Variants in PCDHA5 observed in about 807,000 individuals in gnomAD.
PCDHA5 encodes protocadherin alpha-5.
A neutral mutation model predicts 61.6 loss-of-function variants in PCDHA5; 43 were observed. The observed-to-expected ratio is 0.70, with a 90% CI of 0.55 to 0.90. The LOEUF (loss-of-function observed/expected upper bound fraction) is 0.90. PCDHA5 is among the 40% of genes least tolerant of loss of function. The pLI is 0.00. For missense variants in PCDHA5, 1,298 were observed against 1,222.7 expected (o/e 1.06, Z -0.92); for synonymous variants, 627 against 543.9 (o/e 1.15, Z -2.13).
rs1230584423 is a variant in PCDHA5, at chr5:140,821,705, T to C, written c.-71T>C. 1 of 1,429,244 alleles carries C rather than the reference T, an allele frequency of 7.0e-7. No homozygotes were observed. Among genetic ancestry groups the C allele is most frequent in the South Asian group, 1.4e-5 (1 of 72,816 alleles). 88.5% of individuals were successfully genotyped at this position (1,429,244 alleles called of 1,614,324 possible). ...GATAATATAAAAAATATATAGTTAA[T>C]TGGGAATTGAATTTACAAAATACAT... On this transcript the variant is annotated 5_prime_UTR_variant, in exon 1 of 4. Coordinates refer to ENST00000529859, the MANE Select transcript of PCDHA5 (RefSeq NM_018908.3).
chr5:140,848,601 C>T (rs2150414189), intron 1 of PCDHA5: 4 of 1,593,618 alleles, frequency 2.5e-6, no homozygotes, highest in Admixed American at 3.4e-5. Context: ...CTACTCCGTC[C>T]CGGAGGAAGC....
At chr5:140,968,867 T>C (rs2153774451) in intron 1 of PCDHA5, 2 of 1,614,188 alleles carry the variant, frequency 1.2e-6, no homozygotes, top group Non-Finnish European at 1.7e-6. Flanking sequence ...CCCTCGGACA[T>C]ACTCTGAAAT....
chr5:140,917,333 G>T (rs1301739777), intron 1 of PCDHA5, among the ~76,000 whole-genome samples: 6 of 148,632 alleles, frequency 4.0e-5, no homozygotes, highest in East Asian at 2.0e-4. Context: ...GCGGGGGAGG[G>T]GGGGGATGGT....
rs2053195452 is a variant in PCDHA5, at chr5:140,871,568, T to G, written c.2352+47441T>G. ...TTAAAATCCAGTTTTTTTTCACGGATTTTTTAAGGGAAAGTTTTATGAATA... is the reference window on the plus strand; with the variant it reads ...TTAAAATCCAGTTTTTTTTCACGGAGTTTTTAAGGGAAAGTTTTATGAATA... On this transcript the variant is annotated intron_variant, in intron 1 of 3. Coordinates refer to ENST00000529859, the MANE Select transcript of PCDHA5 (RefSeq NM_018908.3). 4.7e-6 allele frequency: 7 copies of G among 1,481,802 alleles called. No homozygotes were observed. In the East Asian group the frequency reaches 1.7e-4, roughly 37 times the overall value. The allele number at this position is 1,481,802 out of a possible 1,614,324, so 91.8% of individuals were successfully genotyped here. A position where few individuals can be genotyped will look rare whatever the true frequency, so the allele number is the denominator to read the frequency against.
rs545349225 is a variant in PCDHA5, at chr5:140,969,608, C to T, written c.2353-9341C>T. On this transcript the variant is annotated intron_variant, in intron 1 of 3. Coordinates refer to ENST00000529859, the MANE Select transcript of PCDHA5 (RefSeq NM_018908.3). ...AGTCTTAATATTTAATGCTAAAACA[C>T]AGATTTGTAGAGAAACAGGACAGGC... 646 of 747,324 alleles carry T rather than the reference C, an allele frequency of 8.6e-4. 1 individual carries two copies. Among genetic ancestry groups the T allele is most frequent in the Middle Eastern group, 3.2e-3 (8 of 2,532 alleles). The allele number at this position is 747,324 out of a possible 1,614,324, so 46.3% of individuals were successfully genotyped here. A position where few individuals can be genotyped will look rare whatever the true frequency, so the allele number is the denominator to read the frequency against.
chr5:140,862,895 T>A, intron 1 of PCDHA5: 1 of 553,854 alleles, frequency 1.8e-6, no homozygotes, highest in South Asian at 1.4e-5. Context: ...ACGACAACTT[T>A]GTCTGCGCTG....
At chr5:140,960,444 T>C in intron 1 of PCDHA5, among the ~76,000 whole-genome samples, 1 of 152,022 alleles carries the variant, frequency 6.6e-6, no homozygotes, top group Non-Finnish European at 1.5e-5. Context: ...TAGATATATG[T>C]ATGGATAATT....
At chr5:140,883,655 T>A (rs782178754) in intron 1 of PCDHA5, 7 of 1,613,000 alleles carry the variant, frequency 4.3e-6, no homozygotes, top group African/African-American at 1.3e-5. Context: ...GTACACGGTG[T>A]TCGTGAAGGA....
chr5:140,849,881 G>T, intron 1 of PCDHA5: 1 of 1,598,596 alleles, frequency 6.3e-7, no homozygotes, highest in Non-Finnish European at 8.6e-7. Flanking sequence ...AGTACACGGT[G>T]TTCGTGAAGG....
intron 1 of PCDHA5, chr5:140,825,350 T>C (rs548495464): frequency 2.0e-5 from 3 of 147,632 alleles, no homozygotes; most frequent in Non-Finnish European, 4.5e-5. Flanking sequence ...ATATATCTAA[T>C]ATATATTAGA....
At chr5:141,009,120 T>C (rs1383940737) in intron 3 of PCDHA5, among the ~76,000 whole-genome samples, 1 of 152,236 alleles carries the variant, frequency 6.6e-6, no homozygotes, top group African/African-American at 2.4e-5. Flanking sequence ...ACTAGATTCT[T>C]GGTATCCTGG....
rs529382424 is a variant in PCDHA5 at position 140,924,810 on chromosome 5, G to A, written c.2353-54139G>A. 4.8e-4 allele frequency among the ~76,000 whole-genome samples: 73 copies of A among 151,660 alleles called. No homozygotes were observed. The South Asian group carries it at 9.2e-3, about 19-fold the overall frequency. ...CTTAGGAGGCTGAGGCAAGAGAATC[G>A]CTTGAACCTGGGAGGGGGAGGTTGC... On this transcript the variant is annotated intron_variant, in intron 1 of 3. Transcript: ENST00000529859.
chr5:140,842,160 C>T (rs1777743066), intron 1 of PCDHA5: 3 of 1,613,732 alleles, frequency 1.9e-6, no homozygotes, highest in Non-Finnish European at 2.5e-6. Flanking sequence ...ATTTCATATT[C>T]TTTTAATAGC....
At chr5:140,856,168 C>G in intron 1 of PCDHA5, 1 of 1,598,314 alleles carries the variant, frequency 6.3e-7, no homozygotes, top group Non-Finnish European at 8.6e-7. Context: ...AGGCCAGACA[C>G]GGCACCTTCG....
chr5:140,882,513 G>A (rs2059164592), intron 1 of PCDHA5: 3 of 1,614,072 alleles, frequency 1.9e-6, no homozygotes, highest in Admixed American at 3.3e-5. Context: ...CTGCAGAATG[G>A]CATTTTGTTT....
chr5:140,843,004 C>T (rs2150349830), intron 1 of PCDHA5: 21 of 1,595,032 alleles, frequency 1.3e-5, no homozygotes, highest in Admixed American at 1.0e-4. Flanking sequence ...AGAATGACAA[C>T]GCGCCGGCAC....
chr5:140,883,467 CCTACAAGAA>C (rs1554178369), intron 1 of PCDHA5: 1 of 1,614,170 alleles, frequency 6.2e-7, no homozygotes, highest in East Asian at 2.2e-5. Flanking sequence ...CTGGTGTCCA[CCTACAAGAA>C]CTACTACTCA....
intron 1 of PCDHA5, chr5:140,828,616 C>G: frequency 6.2e-7 from 1 of 1,614,142 alleles, no homozygotes; most frequent in Non-Finnish European, 8.5e-7. Flanking sequence ...TCAGTTCTAG[C>G]GAATACTTCG....
chr5:140,823,452 C>A lies in PCDHA5; in HGVS notation c.1677C>A (p.Asp559Glu). 4.3e-6 allele frequency: 7 copies of A among 1,613,440 alleles called. No individual in the cohort carries two copies. Among genetic ancestry groups the A allele is most frequent in the Non-Finnish European group, 5.9e-6 (7 of 1,179,758 alleles). ...TLQVFVLDEN[D>E]NAPALLVPRV... Reference sequence around the variant, plus strand: ...AGGTGTTCGTGCTGGACGAGAACGACAACGCGCCGGCGCTGCTGGTGCCTC... The same window carrying A: ...AGGTGTTCGTGCTGGACGAGAACGAAAACGCGCCGGCGCTGCTGGTGCCTC... The change falls in exon 1 of 4, where the codon GAC becomes GAA. Residue 559 changes from aspartate to glutamate, a missense_variant. By Grantham distance (45) the Asp-to-Glu change is conservative. Coordinates refer to ENST00000529859, the MANE Select transcript of PCDHA5 (RefSeq NM_018908.3).
Sources: gnomAD v4.1 joint callset for allele counts (sites outside exome capture counted in the v4.1 genomes callset) on GRCh38, gnomAD v4.1.1 for gene constraint, MANE v1.5 for transcripts, NCBI Gene and HGNC (gene_info 2026-07-23, HGNC 2026-07-21) for gene names.